Variants in NBEAL1 observed in about 807,000 individuals in gnomAD.
NBEAL1 encodes neurobeachin-like protein 1.
A neutral mutation model predicts 351.3 loss-of-function variants in NBEAL1; 273 were observed. The observed-to-expected ratio is 0.78, with a 90% CI of 0.70 to 0.86. NBEAL1 has a LOEUF of 0.86. Ranked by LOEUF, NBEAL1 falls within the 40% of genes least tolerant of loss-of-function variation. NBEAL1 has a pLI of 0.00. For missense variants in NBEAL1, 2,961 were observed against 3,201.3 expected (o/e 0.92, Z 1.81); for synonymous variants, 1,050 against 1,086.4 (o/e 0.97, Z 0.66).
At chr2:203,091,911 T>G (rs1008930390) in intron 10 of NBEAL1, among the ~76,000 whole-genome samples, 2 of 152,218 alleles carry the variant, frequency 1.3e-5, no homozygotes, top group Admixed American at 6.5e-5. Flanking sequence ...TTTGTACTTT[T>G]GTTTCATTTA....
intron 18 of NBEAL1, among the ~76,000 whole-genome samples, chr2:203,116,977 C>CTG (rs1288869707): frequency 2.0e-5 from 3 of 152,000 alleles, no homozygotes; most frequent in Admixed American, 6.6e-5. Context: ...TGGCAGGCAC[C>CTG]TGTAGTTCCA....
intron 2 of NBEAL1, 68 bp from the exon 3 acceptor site, chr2:203,041,697 A>C: frequency 3.0e-6 from 3 of 987,304 alleles, no homozygotes; most frequent in Non-Finnish European, 4.6e-6. Context: ...TATCTGCTTA[A>C]TAGGTGTAGA....
At chr2:203,042,895 G>T (rs991214312) in intron 3 of NBEAL1, among the ~76,000 whole-genome samples, 3 of 152,072 alleles carry the variant, frequency 2.0e-5, no homozygotes, top group African/African-American at 4.8e-5. Context: ...CCAATGCTTG[G>T]TCTTTCTGAT....
intron 4 of NBEAL1, among the ~76,000 whole-genome samples, chr2:203,050,847 A>T (rs1574898573): frequency 6.6e-6 from 1 of 152,198 alleles, no homozygotes; most frequent in Non-Finnish European, 1.5e-5. Context: ...GGGGCACTGC[A>T]TATAAGAATT....
intron 36 of NBEAL1, among the ~76,000 whole-genome samples, chr2:203,165,495 C>T (rs2064105616): frequency 6.6e-6 from 1 of 152,176 alleles, no homozygotes; most frequent in Admixed American, 6.5e-5. Context: ...CAATTCATGT[C>T]TCCCAGAATA....
At chr2:203,073,260 T>A (rs1397969041) in intron 7 of NBEAL1, among the ~76,000 whole-genome samples, 4 of 152,172 alleles carry the variant, frequency 2.6e-5, no homozygotes, top group Non-Finnish European at 5.9e-5. Flanking sequence ...CTACTCAGAT[T>A]TTCTATTTCT....
rs184064865 is a variant in NBEAL1, at chr2:203,150,645, T to G, written c.5463-820T>G. On this transcript the variant is annotated intron_variant, in intron 34 of 55. Transcript: ENST00000683969. ...TCATATCTAAGAAACCATTGCCAAG[T>G]CCAAGGTCATGAAGTTTTATCCTTA... is the stretch of plus-strand genomic sequence containing the variant. 4.7e-3 allele frequency among the ~76,000 whole-genome samples: 709 copies of G among 152,212 alleles called. 26 individuals carry two copies. The highest frequency in any genetic ancestry group is 0.038 in the Admixed American group (580 of 15,278).
chr2:203,209,291 A>C lies in NBEAL1; in HGVS notation c.7754A>C (p.Tyr2585Ser). Residue 2585 changes from tyrosine (Y) to serine (S), a missense_variant, in exon 53 of 56, where the codon TAC (tyrosine) becomes TCC (serine). Physicochemically the swap from Tyr to Ser is moderately radical, Grantham distance 144 (BLOSUM62 -2). Transcript: ENST00000683969. Reference sequence around the variant, plus strand: ...TCTTGGGAAGGACATATTGTTGTCTACTCCAGCACTGAAGAAAAGACCACC... The same window carrying C: ...TCTTGGGAAGGACATATTGTTGTCTCCTCCAGCACTGAAGAAAAGACCACC... ...AISWEGHIVV[Y>S]SSTEEKTTLK... is the part of the protein sequence containing the mutation. 1.2e-6 allele frequency: 2 copies of C among 1,613,778 alleles called. No homozygotes were observed. Among genetic ancestry groups the C allele is most frequent in the Admixed American group, 1.7e-5 (1 of 60,012 alleles).
intron 55 of NBEAL1, among the ~76,000 whole-genome samples, chr2:203,214,638 G>C (rs903924142): frequency 4.6e-5 from 7 of 152,158 alleles, no homozygotes; most frequent in African/African-American, 1.7e-4. Flanking sequence ...AGCCGGGTGT[G>C]GTGGCATATG....
Position 203,224,807 on chromosome 2 carries a change from C to T in NBEAL1, c.*7453C>T, listed in dbSNP as rs185918637. On this transcript the variant is annotated 3_prime_UTR_variant, in exon 56 of 56. Transcript: ENST00000683969. ...TGACTCAGTGGATATTTGTATGCCCCCCAAAAACATTTTAAAGCTGAGCAA... is the reference window on the plus strand; with the variant it reads ...TGACTCAGTGGATATTTGTATGCCCTCCAAAAACATTTTAAAGCTGAGCAA... 3.6e-3 allele frequency among the ~76,000 whole-genome samples: 551 copies of T among 151,962 alleles called. 4 individuals are homozygous for T. The highest frequency in any genetic ancestry group is 0.013 in the African/African-American group (522 of 41,458).
chr2:203,108,038 AT>A lies in NBEAL1; in HGVS notation c.1802del (p.Leu601CysfsTer29). 6.4e-7 allele frequency: 1 copy of A among 1,553,632 alleles called. No individual in the cohort carries two copies. The highest frequency in any genetic ancestry group is 8.7e-7 in the Non-Finnish European group (1 of 1,147,636). On this transcript the variant is annotated frameshift_variant, in exon 14 of 56. Coordinates refer to ENST00000683969, the MANE Select transcript of NBEAL1 (RefSeq NM_001378026.1). LOFTEE classifies it high-confidence loss of function. ...CTAGAGAGTGCCCTCCAGTATTTCA[AT>A]TTGTCACATAGTATGGCAGGAATTT... ...LSLESALQYF[N>X]LSHSMAGISV...
At chr2:203,030,405 G>A (rs996457668) in intron 2 of NBEAL1, among the ~76,000 whole-genome samples, 1 of 151,926 alleles carries the variant, frequency 6.6e-6, no homozygotes, top group Non-Finnish European at 1.5e-5. Context: ...TTTCAAGATG[G>A]GCCTCTCCAT....
chr2:203,112,198 C>A, intron 16 of NBEAL1, 100 bp downstream of exon 16: 4 of 1,276,180 alleles, frequency 3.1e-6, no homozygotes, highest in Non-Finnish European at 4.2e-6. Flanking sequence ...AATATGTGGC[C>A]CCAGATTTTA....
At chr2:203,187,164 A>C (rs913041406) in intron 44 of NBEAL1, among the ~76,000 whole-genome samples, 6 of 151,704 alleles carry the variant, frequency 4.0e-5, no homozygotes, top group African/African-American at 1.5e-4. Context: ...TCCTGGGCTC[A>C]GGTGATCCTC....
chr2:203,078,614 AC>A (rs1261545568), intron 8 of NBEAL1, among the ~76,000 whole-genome samples: 1 of 152,202 alleles, frequency 6.6e-6, no homozygotes, highest in African/African-American at 2.4e-5. Flanking sequence ...TACTGGAATT[AC>A]GGGCGTGAGT....
intron 54 of NBEAL1, among the ~76,000 whole-genome samples, chr2:203,212,563 C>T (rs907984907): frequency 3.4e-5 from 5 of 147,570 alleles, no homozygotes; most frequent in African/African-American, 1.0e-4. Context: ...ACTGAGATCG[C>T]ACCACTGCAC....
intron 8 of NBEAL1, among the ~76,000 whole-genome samples, chr2:203,081,789 A>G (rs1347608753): frequency 6.6e-6 from 1 of 152,184 alleles, no homozygotes; most frequent in Non-Finnish European, 1.5e-5. Context: ...TACAAATGGC[A>G]TGTGTCAAGT....
intron 16 of NBEAL1, among the ~76,000 whole-genome samples, 186 bp downstream of exon 16, chr2:203,112,284 A>G (rs1039441587): frequency 1.3e-5 from 2 of 152,246 alleles, no homozygotes; most frequent in African/African-American, 4.8e-5. Context: ...ATGAAGTCAG[A>G]CAATGTGAAA....
intron 38 of NBEAL1, 70 bp from the exon 39 acceptor site, chr2:203,169,677 A>G (rs544639880): frequency 1.1e-5 from 8 of 740,866 alleles, no homozygotes; most frequent in South Asian, 7.0e-5. Flanking sequence ...CAATACAGCT[A>G]TTGTGACTAC....
Sources: gnomAD v4.1 joint callset for allele counts (sites outside exome capture counted in the v4.1 genomes callset) on GRCh38, gnomAD v4.1.1 for gene constraint, MANE v1.5 for transcripts, NCBI Gene and HGNC (gene_info 2026-07-23, HGNC 2026-07-21) for gene names.